SPATA13: variants seen among roughly 807,000 people sequenced by gnomAD.
SPATA13 encodes spermatogenesis associated 13.
A neutral mutation model predicts 104.0 loss-of-function variants in SPATA13; 50 were observed. The ratio of observed to expected loss-of-function variants is 0.48; its 90% CI spans 0.38 to 0.61. The LOEUF is 0.61. Ranked by LOEUF, SPATA13 falls within the 20% of genes least tolerant of loss-of-function variation. The pLI, the probability that SPATA13 is intolerant of heterozygous loss-of-function variation, is 0.00. For synonymous variants in SPATA13, 606 were observed against 667.5 expected, an observed-to-expected ratio of 0.91 and a Z score of 1.42; for missense variants, 1,524 against 1,690.6, an observed-to-expected ratio of 0.90 and a Z score of 1.73.
At chr13:23,989,627 C>T (rs1241199895) in intron 2 of SPATA13, among the ~76,000 whole-genome samples, 1 of 152,174 alleles carries the variant, frequency 6.6e-6, no homozygotes, top group African/African-American at 2.4e-5. Flanking sequence ...AGTAACGTCC[C>T]AGTTCCTGAG....
intron 3 of SPATA13, among the ~76,000 whole-genome samples, chr13:24,094,713 C>T (rs1457367825): frequency 6.6e-6 from 1 of 152,126 alleles, no homozygotes; most frequent in Non-Finnish European, 1.5e-5. Flanking sequence ...AAACTATGAT[C>T]ATACCCTGCA....
intron 2 of SPATA13, among the ~76,000 whole-genome samples, chr13:24,233,489 G>GT (rs1187402342): frequency 3.3e-5 from 5 of 151,950 alleles, no homozygotes; most frequent in Admixed American, 3.3e-4. Context: ...GCTTGTTTTT[G>GT]TTTCTTTTCC....
intron 9 of SPATA13, among the ~76,000 whole-genome samples, chr13:24,291,748 A>ATTT (rs201686636): frequency 8.3e-5 from 1 of 12,086 alleles, no homozygotes; most frequent in Non-Finnish European, 2.8e-4. Flanking sequence ...TTATTTTTTT[A>ATTT]TTTTTTTATT....
intron 1 of SPATA13, among the ~76,000 whole-genome samples, chr13:24,188,613 G>A (rs1869307316): frequency 6.6e-6 from 1 of 152,218 alleles, no homozygotes; most frequent in Non-Finnish European, 1.5e-5. Context: ...TGTAACATAA[G>A]TGCAGGGTGA....
intron 1 of SPATA13, among the ~76,000 whole-genome samples, chr13:24,212,073 T>C (rs1472665105): frequency 6.6e-6 from 1 of 152,018 alleles, no homozygotes; most frequent in African/African-American, 2.4e-5. Context: ...AAATATTTAC[T>C]GAATGAATGA....
At chr13:24,279,304 C>T (rs1393837177) in intron 4 of SPATA13, among the ~76,000 whole-genome samples, 1 of 152,110 alleles carries the variant, frequency 6.6e-6, no homozygotes, top group Non-Finnish European at 1.5e-5. Context: ...AGCCAAGAGC[C>T]CATTGGTTGG....
chr13:24,239,185 A>C (rs1289603612), intron 2 of SPATA13, among the ~76,000 whole-genome samples: 3 of 152,122 alleles, frequency 2.0e-5, no homozygotes, highest in African/African-American at 7.2e-5. Flanking sequence ...ATCATGGGGG[A>C]AGGGAAATTG....
rs566719706 is a variant in SPATA13 at position 24,155,661 on chromosome 13, G to A, written c.-111-67158G>A. Among the ~76,000 whole-genome samples the A allele has an allele frequency of 9.1e-4, 138 of 152,164 alleles. 1 individual carries two copies. Among genetic ancestry groups the A allele is most frequent in the Non-Finnish European group, 1.5e-3 (99 of 67,986 alleles). On this transcript the variant is annotated intron_variant, in intron 3 of 14. Coordinates refer to the SPATA13 transcript ENST00000424834. Reference sequence around the variant, plus strand: ...GATTCTGGCCTGCAGATTAGAAAATGGGACATTTTTAAAAACTGTGGTAAA... The same window carrying A: ...GATTCTGGCCTGCAGATTAGAAAATAGGACATTTTTAAAAACTGTGGTAAA...
intron 2 of SPATA13, among the ~76,000 whole-genome samples, chr13:24,225,393 G>A (rs373573628): frequency 6.6e-6 from 1 of 152,178 alleles, no homozygotes; most frequent in Non-Finnish European, 1.5e-5. Flanking sequence ...TGGACGAGGG[G>A]AACGTGGTGA....
At chr13:24,226,631 G>T (rs1333353823) in intron 2 of SPATA13, among the ~76,000 whole-genome samples, 1 of 152,172 alleles carries the variant, frequency 6.6e-6, no homozygotes, top group African/African-American at 2.4e-5. Flanking sequence ...TGATTTGCAG[G>T]TATAGATGGT....
At chr13:24,285,178 G>C (rs1304719646) in intron 5 of SPATA13, among the ~76,000 whole-genome samples, 4 of 152,200 alleles carry the variant, frequency 2.6e-5, no homozygotes, top group Admixed American at 1.3e-4. Flanking sequence ...GTGGCCAGGG[G>C]ATGGAGGAGC....
At chr13:24,255,463 A>T (rs1873742732) in intron 4 of SPATA13, among the ~76,000 whole-genome samples, 1 of 152,066 alleles carries the variant, frequency 6.6e-6, no homozygotes, top group African/African-American at 2.4e-5. Context: ...CCCCGAGATC[A>T]GTTAACAGCA....
At chr13:24,078,244 G>A (rs1879396594) in intron 3 of SPATA13, among the ~76,000 whole-genome samples, 1 of 152,154 alleles carries the variant, frequency 6.6e-6, no homozygotes, top group Admixed American at 6.5e-5. Flanking sequence ...GATCAAGAGA[G>A]GCAAAACTTT....
chr13:24,003,611 A>G (rs1239459106), intron 2 of SPATA13, among the ~76,000 whole-genome samples: 1 of 152,222 alleles, frequency 6.6e-6, no homozygotes, highest in Non-Finnish European at 1.5e-5. Context: ...TTCTTTTCGT[A>G]TTATATTAGT....
chr13:24,083,905 C>A (rs1030705799), intron 3 of SPATA13, among the ~76,000 whole-genome samples: 4 of 152,190 alleles, frequency 2.6e-5, no homozygotes, highest in African/African-American at 9.6e-5. Flanking sequence ...TGACATTTTC[C>A]TTACAGCAGG....
chr13:24,030,555 C>G (rs1476716081), intron 3 of SPATA13, among the ~76,000 whole-genome samples: 1 of 152,156 alleles, frequency 6.6e-6, no homozygotes, highest in Admixed American at 6.5e-5. Context: ...AATATTAAAG[C>G]CCCAGCCCCA....
rs80059153 is a variant in SPATA13, at chr13:24,006,526, G to A, written c.-146-11141G>A. On this transcript the variant is annotated intron_variant, in intron 2 of 14. Coordinates refer to the SPATA13 transcript ENST00000424834. ...CAGCAAACTGGGAGGCTCAGGGCAC[G>A]AGGTGCGGCAGAGGAGCGAATAGAG... Among the ~76,000 whole-genome samples the A allele has an allele frequency of 8.6e-3, 1,308 of 152,346 alleles. 18 individuals are homozygous for A. The highest frequency in any genetic ancestry group is 0.069 in the East Asian group (356 of 5,176).
At chr13:24,155,320 T>C (rs1323339164) in intron 3 of SPATA13, among the ~76,000 whole-genome samples, 4 of 152,168 alleles carry the variant, frequency 2.6e-5, no homozygotes, top group Non-Finnish European at 2.9e-5. Flanking sequence ...GGGCCTACTG[T>C]GTAATGATGG....
At chr13:23,992,976 C>T (rs1875484369) in intron 2 of SPATA13, among the ~76,000 whole-genome samples, 1 of 152,198 alleles carries the variant, frequency 6.6e-6, no homozygotes, top group Admixed American at 6.5e-5. Flanking sequence ...CCAGCTGTGC[C>T]CTGAGAGCTG....
Sources: gnomAD v4.1 joint callset for allele counts (sites outside exome capture counted in the v4.1 genomes callset) on GRCh38, gnomAD v4.1.1 for gene constraint, MANE v1.5 for transcripts, NCBI Gene and HGNC (gene_info 2026-07-23, HGNC 2026-07-21) for gene names.